Variants in ARHGAP9 observed in about 807,000 individuals in gnomAD.
ARHGAP9 encodes the protein Rho GTPase activating protein 9.
A neutral mutation model predicts 87.3 loss-of-function variants in ARHGAP9; 76 were observed. That is an observed-to-expected ratio of 0.87 (90% CI 0.72 to 1.05). The LOEUF is 1.05. Ranked by LOEUF, ARHGAP9 falls within the 50% of genes least tolerant of loss-of-function variation. The pLI, the probability that ARHGAP9 is intolerant of heterozygous loss-of-function variation, is 0.00. For missense variants in ARHGAP9, 941 were observed against 960.5 expected (o/e 0.98, Z 0.27); for synonymous variants, 382 against 394.9 (o/e 0.97, Z 0.39).
chr12:57,482,506 C>G (rs1038281864), upstream of ARHGAP9, among the ~76,000 whole-genome samples: 2 of 152,062 alleles, frequency 1.3e-5, no homozygotes, highest in Non-Finnish European at 2.9e-5. Flanking sequence ...TCCCAAAGTC[C>G]TGGGATTACA....
chr12:57,477,650 G>T lies in ARHGAP9; in HGVS notation c.565C>A (p.Pro189Thr), dbSNP rs571454377. 60 of 1,613,316 alleles carry T rather than the reference G, an allele frequency of 3.7e-5. No homozygotes were observed. The East Asian group carries it at 1.2e-3, about 32-fold the overall frequency. ...AGPQPLMSEP[P>T]VYCNLVDLRR... Reference sequence around the variant, plus strand: ...AGGTCCACCAGGTTACAGTACACAGGGGGCTCTGACATGAGGGGCTGGGGG... The same window carrying T: ...AGGTCCACCAGGTTACAGTACACAGTGGGCTCTGACATGAGGGGCTGGGGG... Residue 189 changes from proline (P) to threonine (T), a missense_variant, in exon 4 of 18, where the codon CCT becomes ACT. Coordinates refer to ENST00000393791, the MANE Select transcript of ARHGAP9 (RefSeq NM_032496.4).
exon 1 of ARHGAP9, chr12:57,488,678 C>A: frequency 6.5e-7 from 1 of 1,545,296 alleles, no homozygotes; most frequent in South Asian, 1.2e-5. Flanking sequence ...CTTCTCAGTT[C>A]TTTTAATTTT....
chr12:57,478,372 C>T, intron 3 of ARHGAP9, 168 bp downstream of exon 3: 1 of 695,094 alleles, frequency 1.4e-6, no homozygotes, highest in Non-Finnish European at 2.4e-6. Flanking sequence ...CGCACCACCT[C>T]AGCCACTCTC....
chr12:57,478,196 C>T (rs1329418571), intron 3 of ARHGAP9: 2 of 326,390 alleles, frequency 6.1e-6, no homozygotes, highest in African/African-American at 2.1e-5. Context: ...GAAGGAAGAG[C>T]ACAGGGCTGG....
At chr12:57,488,532 C>T (rs2139995352) in intron 1 of ARHGAP9, 1 of 1,528,982 alleles carries the variant, frequency 6.5e-7, no homozygotes, top group Non-Finnish European at 8.9e-7. Flanking sequence ...ACTAGCATGA[C>T]AGCCCCCAGG....
upstream of ARHGAP9, chr12:57,483,883 T>C (rs1337487179): frequency 2.2e-6 from 1 of 453,238 alleles, no homozygotes; most frequent in African/African-American, 2.0e-5. Context: ...CTACTAAAAA[T>C]ACAAAACTTA....
At chr12:57,480,708 G>T, upstream of ARHGAP9, 1 of 1,441,002 alleles carries the variant, frequency 6.9e-7, no homozygotes, top group Non-Finnish European at 9.5e-7. Context: ...CTTCTCCTTG[G>T]TGGAAGGTGG....
intron 15 of ARHGAP9, 71 bp from the exon 16 acceptor site, chr12:57,474,247 C>G (rs1872783858): frequency 6.3e-7 from 1 of 1,586,844 alleles, no homozygotes; most frequent in African/African-American, 1.3e-5. Flanking sequence ...ATTAGAAGTT[C>G]TGGAGAAATC....
rs1873454879 is a variant in ARHGAP9 at position 57,475,881 on chromosome 12, T to C, written c.1263A>G (p.Thr421=). The C allele has an allele frequency of 6.2e-7, 1 of 1,613,898 alleles. No homozygotes were observed. The highest frequency in any genetic ancestry group is 8.5e-7 in the Non-Finnish European group (1 of 1,179,892). Reference sequence around the variant, plus strand: ...GCGCGCGGTGCCAGGCTCGCAGCTCTGTCTCGTGGTCCGACTGCAGCAGGA... The same window carrying C: ...GCGCGCGGTGCCAGGCTCGCAGCTCCGTCTCGTGGTCCGACTGCAGCAGGA... ...HEFLLQSDHE[T]ELRAWHRALR... is the part of the protein sequence containing the mutation. Residue 421 remains threonine, a synonymous_variant, in exon 10 of 18, where the codon ACA becomes ACG. Coordinates refer to ENST00000393791, the MANE Select transcript of ARHGAP9 (RefSeq NM_032496.4).
chr12:57,483,851 G>C (rs947930422), upstream of ARHGAP9: 2 of 450,082 alleles, frequency 4.4e-6, no homozygotes, highest in Admixed American at 2.4e-5. Flanking sequence ...ACCAGCCTGG[G>C]CAACATGGTA....
rs757876238 is a variant in ARHGAP9 at position 57,474,132 on chromosome 12, C to A, written c.1828G>T (p.Val610Leu). 2.5e-6 allele frequency: 4 copies of A among 1,614,222 alleles called. No homozygotes were observed. The highest frequency in any genetic ancestry group is 2.5e-6 in the Non-Finnish European group (3 of 1,180,034). The change falls in exon 16 of 18, where the codon GTG becomes TTG. Residue 610 changes from valine (V) to leucine (L), a missense_variant. Val to Leu is a conservative substitution (Grantham distance 32). Coordinates refer to ENST00000393791, the MANE Select transcript of ARHGAP9 (RefSeq NM_032496.4). Reference protein sequence around the residue: ...LDSTEWDDIHVVTGALKLFLR... With the variant: ...LDSTEWDDIHLVTGALKLFLR... ...AAAAGCTTCAGGGCTCCGGTGACCA[C>A]ATGAATGTCATCCCACTCAGTACTG...
rs769793763 is a variant in ARHGAP9, at chr12:57,474,076, T to C, written c.1884A>G (p.Pro628=). ...CACGGAAATGGGGCAGCAGCAGTGG[T>C]GGCACCAGAGGCTGGGGCAGCTCCC... ...FLRELPQPLV[P]PLLLPHFRAA... is the part of the protein sequence containing the mutation. Residue 628 remains proline, a synonymous_variant, in exon 16 of 18, where the codon CCA becomes CCG. Transcript: ENST00000393791. 4 of 1,614,076 alleles carry C rather than the reference T, an allele frequency of 2.5e-6. No individual in the cohort carries two copies. The highest frequency in any genetic ancestry group is 3.4e-6 in the Non-Finnish European group (4 of 1,179,990).
At position 57,479,852 on chromosome 12, in the gene ARHGAP9, C is replaced by G; in HGVS notation, c.-141G>C. 1.3e-6 allele frequency: 2 copies of G among 1,484,298 alleles called. No individual in the cohort carries two copies. The highest frequency in any genetic ancestry group is 9.0e-7 in the Non-Finnish European group (1 of 1,116,540). 91.9% of individuals were successfully genotyped at this position (1,484,298 alleles called of 1,614,324 possible). A position where few individuals can be genotyped will look rare whatever the true frequency, so the allele number is the denominator to read the frequency against. ...CAGGTTCAAGACAGAAACAGGGAGA[C>G]ACAAGGTTAATGACAAAGACAAAAA... is the stretch of plus-strand genomic sequence containing the variant. On this transcript the variant is annotated 5_prime_UTR_variant, in exon 1 of 18. Transcript: ENST00000393791.
chr12:57,480,977 A>G (rs1874947276), upstream of ARHGAP9: 1 of 723,478 alleles, frequency 1.4e-6, no homozygotes, highest in Non-Finnish European at 2.4e-6. Flanking sequence ...CTTCACTTCA[A>G]CACATGGAGA....
At chr12:57,477,718 C>T in intron 3 of ARHGAP9, 38 bp from the exon 4 acceptor site, 1 of 1,605,082 alleles carries the variant, frequency 6.2e-7, no homozygotes. Context: ...GGTCATTCTG[C>T]CTGTTGCCCT....
At position 57,474,925 on chromosome 12, in the gene ARHGAP9, T is replaced by C. The variant is rs1322769549; in HGVS notation, c.1601A>G (p.Asp534Gly). 4 of 1,613,966 alleles carry C rather than the reference T, an allele frequency of 2.5e-6. No homozygotes were observed. In the African/African-American group the frequency reaches 5.3e-5, roughly 22 times the overall value. Residue 534 changes from aspartate (D) to glycine (G), a missense_variant, in exon 13 of 18, where the codon GAC (aspartate) becomes GGC (glycine). Physicochemically the swap from Asp to Gly is moderately conservative, Grantham distance 94 (BLOSUM62 -1). Coordinates refer to ENST00000393791, the MANE Select transcript of ARHGAP9 (RefSeq NM_032496.4). Reference sequence around the variant, plus strand: ...GAGCCGCAAAAAGCTGGGCACCGTGTCTCCTTCCCGCTGGCAGAGTGATTC... The same window carrying C: ...GAGCCGCAAAAAGCTGGGCACCGTGCCTCCTTCCCGCTGGCAGAGTGATTC... ...QLESLCQREGDTVPSFLRLCI... is the reference protein window; with the variant it reads ...QLESLCQREGGTVPSFLRLCI...
intron 3 of ARHGAP9, chr12:57,477,917 C>A: frequency 7.7e-7 from 1 of 1,306,498 alleles, no homozygotes; most frequent in Admixed American, 3.1e-5. Context: ...TCCCGCCTCC[C>A]CCACCCCACC....
chr12:57,488,277 C>A, intron 1 of ARHGAP9: 3 of 1,383,352 alleles, frequency 2.2e-6, no homozygotes, highest in Non-Finnish European at 2.0e-6. Flanking sequence ...GCTGTCTTTG[C>A]CAAACCCCTA....
chr12:57,482,365 T>C (rs1188239831), upstream of ARHGAP9, among the ~76,000 whole-genome samples: 1 of 152,062 alleles, frequency 6.6e-6, no homozygotes, highest in African/African-American at 2.4e-5. Flanking sequence ...CTCATTCTCC[T>C]GAGCAGCTGG....
Sources: allele counts gnomAD v4.1 joint callset (sites outside exome capture counted in the v4.1 genomes callset), GRCh38; gene constraint gnomAD v4.1.1; transcripts MANE v1.5; gene names NCBI Gene and HGNC (gene_info 2026-07-23, HGNC 2026-07-21).